Variants in PRR16 observed in about 807,000 individuals in gnomAD.
PRR16 encodes protein Largen.
A neutral mutation model predicts 18.2 loss-of-function variants in PRR16; 6 were observed. The ratio of observed to expected loss-of-function variants is 0.33; its 90% confidence interval spans 0.18 to 0.65. The LOEUF (loss-of-function observed/expected upper bound fraction) is 0.65, where lower values mean the gene tolerates loss of function less well. Among genes scored for constraint, PRR16 ranks in the 30% least tolerant of loss-of-function variants. The pLI is 0.74. For missense variants in PRR16, 412 were observed against 376.6 expected (o/e 1.09, Z -0.78); for synonymous variants, 151 against 147.8 (o/e 1.02, Z -0.16).
chr5:120,509,688 A>G (rs1750758646), intron 1 of PRR16, among the ~76,000 whole-genome samples: 1 of 152,164 alleles, frequency 6.6e-6, no homozygotes, highest in South Asian at 2.1e-4. Flanking sequence ...TGTTATAGAC[A>G]TCAGAGTTTT....
At chr5:120,766,650 C>T in the PRR16 span, among the ~76,000 whole-genome samples, 1 of 151,722 alleles carries the variant, frequency 6.6e-6, no homozygotes, top group East Asian at 1.9e-4. Context: ...TTTCTAGTAA[C>T]TGTAATCCTC....
chr5:120,509,650 T>C (rs1750757424), intron 1 of PRR16, among the ~76,000 whole-genome samples: 1 of 152,276 alleles, frequency 6.6e-6, no homozygotes, highest in Admixed American at 6.5e-5. Flanking sequence ...GCCTATCGAC[T>C]GCTTTCGAAT....
At chr5:120,589,901 G>C (rs1753575635) in intron 1 of PRR16, among the ~76,000 whole-genome samples, 1 of 152,066 alleles carries the variant, frequency 6.6e-6, no homozygotes, top group Non-Finnish European at 1.5e-5. Flanking sequence ...AAGCTAAAGA[G>C]AAATTGGATT....
At chr5:120,606,599 C>T (rs1240273487) in intron 1 of PRR16, among the ~76,000 whole-genome samples, 1 of 151,866 alleles carries the variant, frequency 6.6e-6, no homozygotes, top group East Asian at 1.9e-4. Flanking sequence ...AGTTGATGCT[C>T]TTAGGACAAA....
At chr5:120,487,951 T>C (rs1749874109) in intron 1 of PRR16, among the ~76,000 whole-genome samples, 1 of 152,186 alleles carries the variant, frequency 6.6e-6, no homozygotes, top group South Asian at 2.1e-4. Flanking sequence ...GGATTACGTT[T>C]ATTGATTTGT....
chr5:120,539,396 A>G (rs1436449513), intron 1 of PRR16, among the ~76,000 whole-genome samples: 1 of 151,930 alleles, frequency 6.6e-6, no homozygotes, highest in East Asian at 1.9e-4. Context: ...GCCCATAGAT[A>G]TTCCAAAGGA....
At chr5:120,624,440 T>C (rs939273251) in intron 1 of PRR16, among the ~76,000 whole-genome samples, 1 of 152,146 alleles carries the variant, frequency 6.6e-6, no homozygotes, top group Admixed American at 6.5e-5. Flanking sequence ...TCCAGTAATA[T>C]ATTTTGCTTC....
intron 1 of PRR16, among the ~76,000 whole-genome samples, chr5:120,653,079 G>T (rs1485261810): frequency 6.6e-6 from 1 of 151,900 alleles, no homozygotes; most frequent in Non-Finnish European, 1.5e-5. Context: ...AAAGTTCAAG[G>T]ATAGGCAAAA....
At chr5:120,497,580 G>A (rs772642486) in intron 1 of PRR16, among the ~76,000 whole-genome samples, 2 of 151,256 alleles carry the variant, frequency 1.3e-5, no homozygotes, top group African/African-American at 4.9e-5. Context: ...TAGTACAGAC[G>A]GGGTTTCACT....
chr5:120,604,314 C>A lies in PRR16; in HGVS notation c.160-81640C>A, dbSNP rs184738511. 5.3e-5 allele frequency among the ~76,000 whole-genome samples: 8 copies of A among 151,944 alleles called. No individual in the cohort carries two copies. In the East Asian group the frequency reaches 1.6e-3, roughly 29 times the overall value. ...CCTTTATTATTATGTAATATCCTTC[C>A]TTGTCCTTTTTTATCATTGACGATG... is the stretch of plus-strand genomic sequence containing the variant. On this transcript the variant is annotated intron_variant, in intron 1 of 1. Coordinates refer to ENST00000407149, the MANE Select transcript of PRR16 (RefSeq NM_001300783.2).
chr5:120,536,399 A>G (rs901657032), intron 1 of PRR16, among the ~76,000 whole-genome samples: 37 of 152,242 alleles, frequency 2.4e-4, no homozygotes, highest in Admixed American at 4.6e-4. Flanking sequence ...AATATTGCAC[A>G]TATTTTCTAT....
the PRR16 span, among the ~76,000 whole-genome samples, chr5:120,725,446 A>G: frequency 1.3e-5 from 2 of 151,902 alleles, no homozygotes; most frequent in African/African-American, 2.4e-5. Flanking sequence ...ACTTAAGGCC[A>G]GGAGTTTGAG....
intron 1 of PRR16, among the ~76,000 whole-genome samples, chr5:120,508,771 A>G (rs568677973): frequency 9.9e-5 from 15 of 152,256 alleles, no homozygotes; most frequent in African/African-American, 1.4e-4. Context: ...GTTTTAAAGC[A>G]TTAGTTTAAG....
the PRR16 span, among the ~76,000 whole-genome samples, chr5:120,734,410 T>C: frequency 2.4e-3 from 363 of 152,326 alleles, 1 homozygote; most frequent in Non-Finnish European, 1.9e-3. Flanking sequence ...AATATGTTCT[T>C]TTCACTAGGA....
chr5:120,743,213 G>A, the PRR16 span, among the ~76,000 whole-genome samples: 3 of 151,318 alleles, frequency 2.0e-5, no homozygotes, highest in African/African-American at 2.4e-5. Context: ...GTCTATTTTC[G>A]GGCATTCACC....
intron 1 of PRR16, among the ~76,000 whole-genome samples, chr5:120,478,798 A>C (rs1399589679): frequency 6.6e-6 from 1 of 152,146 alleles, no homozygotes; most frequent in African/African-American, 2.4e-5. Flanking sequence ...ATAAACTAAA[A>C]TGGGGAGAAA....
At chr5:120,527,760 T>C (rs1751418639) in intron 1 of PRR16, among the ~76,000 whole-genome samples, 1 of 152,176 alleles carries the variant, frequency 6.6e-6, no homozygotes, top group African/African-American at 2.4e-5. Flanking sequence ...GCCTTCCTAT[T>C]TGAGTGTTCC....
the PRR16 span, among the ~76,000 whole-genome samples, chr5:120,713,783 G>A: frequency 6.6e-6 from 1 of 152,014 alleles, no homozygotes; most frequent in Non-Finnish European, 1.5e-5. Flanking sequence ...AATAGTATAT[G>A]ACTACTATAA....
intron 1 of PRR16, among the ~76,000 whole-genome samples, chr5:120,532,134 C>T (rs1467952183): frequency 6.6e-6 from 1 of 152,020 alleles, no homozygotes; most frequent in East Asian, 1.9e-4. Flanking sequence ...AATCAAAATC[C>T]TATGGGTTGC....
Sources: allele counts gnomAD v4.1 joint callset (sites outside exome capture counted in the v4.1 genomes callset), GRCh38; gene constraint gnomAD v4.1.1; transcripts MANE v1.5; gene names NCBI Gene and HGNC (gene_info 2026-07-23, HGNC 2026-07-21).